Variants in CRACD observed in about 807,000 individuals in gnomAD.
CRACD encodes capping protein inhibiting regulator of actin dynamics.
Under a neutral mutation model 106.8 loss-of-function variants are expected in CRACD, and 56 were observed. That is an observed-to-expected ratio of 0.52 (90% confidence interval 0.42 to 0.66). The LOEUF (loss-of-function observed/expected upper bound fraction) is 0.66. Ranked by LOEUF, CRACD falls within the 30% of genes least tolerant of loss-of-function variation. The pLI, the probability that CRACD is intolerant of heterozygous loss-of-function variation, is 0.00. For synonymous variants in CRACD, 754 were observed against 670.8 expected, an observed-to-expected ratio of 1.12 and a Z score of -1.92; for missense variants, 1,730 against 1,623.2, an observed-to-expected ratio of 1.07 and a Z score of -1.13.
At chr4:56,322,282 T>C (rs564003333) in intron 8 of CRACD, among the ~76,000 whole-genome samples, 1 of 152,346 alleles carries the variant, frequency 6.6e-6, no homozygotes, top group South Asian at 2.1e-4. Context: ...TAAGACATTA[T>C]CATCTCCACT....
At chr4:56,306,304 G>C (rs1013125632) in intron 4 of CRACD, among the ~76,000 whole-genome samples, 1 of 152,076 alleles carries the variant, frequency 6.6e-6, no homozygotes, top group Non-Finnish European at 1.5e-5. Context: ...GACCAGCCTG[G>C]GCAACTTGTT....
At chr4:56,162,775 T>C (rs1347326523) in intron 1 of CRACD, among the ~76,000 whole-genome samples, 1 of 152,216 alleles carries the variant, frequency 6.6e-6, no homozygotes, top group East Asian at 1.9e-4. Flanking sequence ...GTTCAAATTC[T>C]AGTAACAGTT....
rs754168134 is a variant in CRACD at position 56,328,221 on chromosome 4, A to G, written c.*417A>G. Reference sequence around the variant, plus strand: ...CTTTGTCCAAAACATTTACTCTACCATATGTCTGGGAATGTTTATCCTTTC... The same window carrying G: ...CTTTGTCCAAAACATTTACTCTACCGTATGTCTGGGAATGTTTATCCTTTC... On this transcript the variant is annotated 3_prime_UTR_variant, in exon 11 of 11. Coordinates refer to ENST00000682029, the MANE Select transcript of CRACD (RefSeq NM_001393381.1). The G allele has an allele frequency of 2.6e-5, 12 of 457,190 alleles. No homozygotes were observed. Among genetic ancestry groups the G allele is most frequent in the African/African-American group, 1.4e-4 (7 of 50,050 alleles). 28.3% of individuals were successfully genotyped at this position (457,190 alleles called of 1,614,324 possible).
In CRACD at chr4:56,314,658, T is replaced by C; in HGVS notation, c.1156T>C (p.Leu386=). Residue 386 remains leucine, a synonymous_variant, in exon 8 of 11, where the codon TTG becomes CTG. Transcript: ENST00000682029. This position sits in a 1 kb window ranked among gnomAD's most constrained non-coding sequence, Gnocchi z 4.4. ...GGAGGTGCAGGGGCCGCCCGAGGCGTTGGAGGAGACTGGGGAGGGCCGGCG... is the reference window on the plus strand; with the variant it reads ...GGAGGTGCAGGGGCCGCCCGAGGCGCTGGAGGAGACTGGGGAGGGCCGGCG... ...EAEVQGPPEA[L]EETGEGRRGA... 6.5e-7 allele frequency: 1 copy of C among 1,543,402 alleles called. No individual in the cohort carries two copies.
chr4:56,313,486 C>A, intron 7 of CRACD, 107 bp downstream of exon 7: 2 of 884,196 alleles, frequency 2.3e-6, no homozygotes, highest in Non-Finnish European at 3.4e-6. Context: ...ACCTGAGAGT[C>A]TCCCCATCGG....
chr4:56,074,775 G>A (rs13121421), intron 1 of CRACD, among the ~76,000 whole-genome samples: 54,132 of 151,918 alleles, frequency 0.36, 10,184 homozygotes, highest in African/African-American at 0.48. Flanking sequence ...GTTTTCAAAG[G>A]GAATGGTTCC....
At chr4:56,279,574 C>G (rs1406359222) in intron 3 of CRACD, among the ~76,000 whole-genome samples, 2 of 152,102 alleles carry the variant, frequency 1.3e-5, no homozygotes, top group African/African-American at 4.8e-5. Context: ...CAGAGAAATG[C>G]AAATCAAAAC....
Position 56,218,443 on chromosome 4 carries a change from A to T in CRACD, c.-189+39013A>T, listed in dbSNP as rs113841925. Among the ~76,000 whole-genome samples the T allele has an allele frequency of 8.3e-3, 283 of 34,030 alleles. 1 individual carries two copies. Among genetic ancestry groups the T allele is most frequent in the South Asian group, 0.025 (21 of 838 alleles). The allele number at this position is 34,030 out of a possible 152,430, so 22.3% of individuals were successfully genotyped here. A position where few individuals can be genotyped will look rare whatever the true frequency, so the allele number is the denominator to read the frequency against. ...TTTCCCTCCCTTCCCCTCCCTTTCC[A>T]TCCCCTCCCTTTCCTTCCCCTGCCT... On this transcript the variant is annotated intron_variant, in intron 2 of 10. Transcript: ENST00000682029.
At chr4:56,294,913 C>CAAAGAAAAAAAAAAAAAAAAAA (rs1743908267) in intron 3 of CRACD, among the ~76,000 whole-genome samples, 1 of 72,166 alleles carries the variant, frequency 1.4e-5, no homozygotes, top group Admixed American at 1.9e-4. Context: ...GACCTTGTCT[C>CAAAGAAAAAAAAAAAAAAAAAA]AAAAAAAAAA....
At chr4:56,296,377 A>AT (rs1431247414) in intron 3 of CRACD, among the ~76,000 whole-genome samples, 1 of 152,028 alleles carries the variant, frequency 6.6e-6, no homozygotes, top group Non-Finnish European at 1.5e-5. Flanking sequence ...AATAATTATT[A>AT]TTATTGCCTA....
intron 2 of CRACD, among the ~76,000 whole-genome samples, chr4:56,201,908 T>C (rs930668650): frequency 6.6e-6 from 1 of 152,318 alleles, no homozygotes; most frequent in Middle Eastern, 3.4e-3. Context: ...TTAAAACACA[T>C]GTACAAGTTG....
intron 6 of CRACD, among the ~76,000 whole-genome samples, chr4:56,312,547 A>G (rs1285259937): frequency 2.0e-5 from 3 of 152,132 alleles, no homozygotes; most frequent in Non-Finnish European, 2.9e-5. Flanking sequence ...TTCAACAGAT[A>G]TTTATTGAGC....
intron 3 of CRACD, among the ~76,000 whole-genome samples, chr4:56,294,560 T>C (rs1423351699): frequency 2.0e-5 from 3 of 152,204 alleles, no homozygotes; most frequent in Non-Finnish European, 4.4e-5. Flanking sequence ...TAAAAAGTTA[T>C]AGATTTAATG....
At position 56,314,286 on chromosome 4, in the gene CRACD, G is replaced by GAAGAGA. The variant is rs1560533825; in HGVS notation, c.786_791dup (p.Glu263_Asn264insLysGlu). ...GCAGGCGCTGGAGAGGAGGCTTTGG[G>GAAGAGA]AAGAGAACAGAAGGCAGGAGCTCTT... On this transcript the variant is annotated inframe_insertion, in exon 8 of 11. Transcript: ENST00000682029. This position sits in a 1 kb window ranked among gnomAD's most constrained non-coding sequence, Gnocchi z 4.4. 2 of 1,556,686 alleles carry GAAGAGA rather than the reference G, an allele frequency of 1.3e-6. No individual in the cohort carries two copies. Among genetic ancestry groups the GAAGAGA allele is most frequent in the Non-Finnish European group, 1.7e-6 (2 of 1,149,548 alleles).
chr4:56,081,277 C>T (rs1031269039), intron 1 of CRACD, among the ~76,000 whole-genome samples: 6 of 152,120 alleles, frequency 3.9e-5, no homozygotes, highest in African/African-American at 1.4e-4. Context: ...TTTAACCATC[C>T]GGGCAGCTGT....
rs963412275 is a variant in CRACD at position 56,108,507 on chromosome 4, C to T, written c.-336+59208C>T. On this transcript the variant is annotated intron_variant, in intron 1 of 10. Transcript: ENST00000682029. ...CGGGTGTTCTCCCCGTGTGCGGAGA[C>T]GAGAGATTGTAAAAAATAAAGACAC... 4.6e-5 allele frequency among the ~76,000 whole-genome samples: 7 copies of T among 152,126 alleles called. No homozygotes were observed. In the East Asian group the frequency reaches 5.8e-4, roughly 13 times the overall value.
intron 2 of CRACD, among the ~76,000 whole-genome samples, chr4:56,218,789 A>G (rs916332478): frequency 2.0e-5 from 3 of 152,002 alleles, no homozygotes; most frequent in Non-Finnish European, 2.9e-5. Context: ...TTTTCTTCCT[A>G]TGACTGCAAA....
Position 56,239,190 on chromosome 4 carries a change from G to A in CRACD, c.-188-33131G>A, listed in dbSNP as rs527425253. On this transcript the variant is annotated intron_variant, in intron 2 of 10. Coordinates refer to ENST00000682029, the MANE Select transcript of CRACD (RefSeq NM_001393381.1). ...TGCCTGTAATCTCAGCTACTCAGGA[G>A]GCTGAGGCAGGAGAATCGCTTGAAC... Among the ~76,000 whole-genome samples, 7 of 152,184 alleles carry A rather than the reference G, an allele frequency of 4.6e-5. No homozygotes were observed. The South Asian group carries it at 1.5e-3, about 32-fold the overall frequency.
Position 56,299,952 on chromosome 4 carries a change from C to A in CRACD, c.120+1603C>A, listed in dbSNP as rs532470962. ...AGGAGATCGAGACCATCCTGGCTAA[C>A]ACAGTGAAACCCCGTCTCTACTAAA... On this transcript the variant is annotated intron_variant, in intron 4 of 10. Transcript: ENST00000682029. Among the ~76,000 whole-genome samples, 3 of 151,586 alleles carry A rather than the reference C, an allele frequency of 2.0e-5. No individual in the cohort carries two copies. The East Asian group carries it at 5.9e-4, about 30-fold the overall frequency.
Sources: allele counts gnomAD v4.1 joint callset (sites outside exome capture counted in the v4.1 genomes callset), GRCh38; gene constraint gnomAD v4.1.1; non-coding constraint Gnocchi (gnomAD v3.1); transcripts MANE v1.5; gene names NCBI Gene and HGNC (gene_info 2026-07-23, HGNC 2026-07-21).